Variants in CACNA2D1 observed in about 807,000 individuals in gnomAD.
CACNA2D1 encodes the protein voltage-dependent calcium channel subunit alpha-2/delta-1.
A neutral mutation model predicts 171.5 loss-of-function variants in CACNA2D1; 53 were observed. The observed-to-expected ratio is 0.31, with a 90% CI of 0.25 to 0.39. The LOEUF is 0.39. Among genes scored for constraint, CACNA2D1 ranks in the 10% least tolerant of loss-of-function variants. The probability of loss-of-function intolerance (pLI) is 1.00; values close to 1 mark genes in which losing one functional copy is unlikely to be tolerated. For synonymous variants in CACNA2D1, 442 were observed against 443.1 expected (o/e 1.00, Z 0.03); for missense variants, 903 against 1,299.8 (o/e 0.69, Z 4.69).
At chr7:82,337,961 A>T (rs906951971) in intron 2 of CACNA2D1, among the ~76,000 whole-genome samples, 1 of 152,294 alleles carries the variant, frequency 6.6e-6, no homozygotes, top group East Asian at 1.9e-4. Context: ...TCAAAGACCA[A>T]GTTTCTCTGT....
chr7:82,245,357 C>T (rs1804779367), intron 3 of CACNA2D1, among the ~76,000 whole-genome samples: 1 of 152,162 alleles, frequency 6.6e-6, no homozygotes, highest in Admixed American at 6.5e-5. Flanking sequence ...TTGCTTTGGT[C>T]TTGAATACAT....
In CACNA2D1 at chr7:81,975,026, AT is replaced by A. The variant is rs201777257; in HGVS notation, c.1956-475del. ...CTGCACATGTATCCCTGAACTTAAA[AT>A]AAAAAAAAAATTGCCTGGAGTTACA... On this transcript the variant is annotated intron_variant, in intron 24 of 38. Coordinates refer to ENST00000356860, the MANE Select transcript of CACNA2D1 (RefSeq NM_000722.4). 4.6e-3 allele frequency among the ~76,000 whole-genome samples: 694 copies of A among 150,878 alleles called. 2 individuals carry two copies. The highest frequency in any genetic ancestry group is 0.011 in the African/African-American group (449 of 41,330).
At chr7:82,266,293 T>C (rs1054110647) in intron 3 of CACNA2D1, among the ~76,000 whole-genome samples, 1 of 152,210 alleles carries the variant, frequency 6.6e-6, no homozygotes, top group African/African-American at 2.4e-5. Flanking sequence ...GGCTACTTTG[T>C]AGGTCACTGC....
At chr7:82,297,550 T>G (rs2129422057) in intron 3 of CACNA2D1, among the ~76,000 whole-genome samples, 1 of 152,290 alleles carries the variant, frequency 6.6e-6, no homozygotes, top group Non-Finnish European at 1.5e-5. Flanking sequence ...AAAAAAAATT[T>G]TTGTAAAAAA....
chr7:81,964,835 G>T (rs1250667265), intron 32 of CACNA2D1, among the ~76,000 whole-genome samples: 1 of 151,952 alleles, frequency 6.6e-6, no homozygotes, highest in Non-Finnish European at 1.5e-5. Flanking sequence ...AACAACCTGA[G>T]ATGATGGATA....
intron 5 of CACNA2D1, among the ~76,000 whole-genome samples, chr7:82,120,522 A>G (rs746379513): frequency 1.3e-5 from 2 of 152,158 alleles, no homozygotes; most frequent in Non-Finnish European, 2.9e-5. Context: ...GGACTTTCAT[A>G]CAGGCATCAA....
At chr7:82,011,010 T>C (rs1584396196) in intron 15 of CACNA2D1, among the ~76,000 whole-genome samples, 2 of 152,204 alleles carry the variant, frequency 1.3e-5, no homozygotes, top group Non-Finnish European at 2.9e-5. Context: ...TTAAGTGCGA[T>C]GATTATTATT....
At chr7:82,310,565 GT>G (rs1193495279) in intron 3 of CACNA2D1, among the ~76,000 whole-genome samples, 2 of 151,750 alleles carry the variant, frequency 1.3e-5, no homozygotes, top group African/African-American at 4.8e-5. Context: ...GCTATAATTT[GT>G]TTTTTTCTTT....
chr7:82,154,876 G>A (rs1001504559), intron 4 of CACNA2D1, among the ~76,000 whole-genome samples: 14 of 152,126 alleles, frequency 9.2e-5, no homozygotes, highest in Middle Eastern at 3.4e-3. Flanking sequence ...TTGGATCTAC[G>A]TCCCCACCCA....
At chr7:82,141,150 A>G (rs948911266) in intron 4 of CACNA2D1, among the ~76,000 whole-genome samples, 5 of 152,090 alleles carry the variant, frequency 3.3e-5, no homozygotes, top group African/African-American at 1.2e-4. Context: ...ATATTAAGAT[A>G]TGTCCAGCTA....
At chr7:82,110,597 C>T (rs1419302068) in intron 6 of CACNA2D1, among the ~76,000 whole-genome samples, 1 of 152,164 alleles carries the variant, frequency 6.6e-6, no homozygotes, top group East Asian at 1.9e-4. Context: ...TCTGCTGCTA[C>T]CCCTGCTCCC....
chr7:82,094,680 C>A (rs1437024811), intron 6 of CACNA2D1, among the ~76,000 whole-genome samples: 2 of 91,878 alleles, frequency 2.2e-5, no homozygotes, highest in Non-Finnish European at 4.4e-5. Context: ...CCCACAAAAC[C>A]TTAGATTTTT....
At chr7:82,355,216 T>C (rs1050137450) in intron 1 of CACNA2D1, among the ~76,000 whole-genome samples, 6 of 152,096 alleles carry the variant, frequency 3.9e-5, no homozygotes, top group Non-Finnish European at 7.4e-5. Flanking sequence ...AGTTTAATAG[T>C]TTGAAAATCT....
chr7:82,240,118 A>T (rs903929692), intron 3 of CACNA2D1, among the ~76,000 whole-genome samples: 7 of 152,188 alleles, frequency 4.6e-5, no homozygotes, highest in African/African-American at 1.7e-4. Flanking sequence ...TCTATGGAAT[A>T]AGAAAAGGAT....
chr7:82,022,285 G>A (rs1801319737), intron 12 of CACNA2D1, among the ~76,000 whole-genome samples: 1 of 150,324 alleles, frequency 6.7e-6, no homozygotes, highest in South Asian at 2.1e-4. Context: ...ATTGATGATC[G>A]CTCTACTAGC....
intron 4 of CACNA2D1, among the ~76,000 whole-genome samples, chr7:82,146,308 ATACGTGTGTGTGTGTG>A (rs979554282): frequency 7.1e-6 from 1 of 140,502 alleles, no homozygotes; most frequent in Non-Finnish European, 1.6e-5. Context: ...ACATATATAT[ATACGTGTGTGTGTGTG>A]TGCGTGTGTG....
intron 5 of CACNA2D1, 62 bp downstream of exon 5, chr7:82,136,573 T>C: frequency 1.5e-6 from 2 of 1,293,758 alleles, no homozygotes; most frequent in South Asian, 1.3e-5. Context: ...ATTTATTCTA[T>C]ATAAGGCCAA....
intron 1 of CACNA2D1, among the ~76,000 whole-genome samples, chr7:82,384,813 T>C (rs1824142880): frequency 6.6e-6 from 1 of 152,086 alleles, no homozygotes; most frequent in Admixed American, 6.5e-5. Flanking sequence ...AGGACAGAAA[T>C]CAACAAAAAA....
At chr7:81,962,132 C>T in intron 35 of CACNA2D1, 109 bp from the exon 36 acceptor site, 7 of 1,035,022 alleles carry the variant, frequency 6.8e-6, no homozygotes, top group Non-Finnish European at 1.0e-5. Flanking sequence ...ACGTATAAGA[C>T]CAGGACCCCT....
Sources: gnomAD v4.1 joint callset for allele counts (sites outside exome capture counted in the v4.1 genomes callset) on GRCh38, gnomAD v4.1.1 for gene constraint, MANE v1.5 for transcripts, NCBI Gene and HGNC (gene_info 2026-07-23, HGNC 2026-07-21) for gene names.